SMARCAD1: variants seen among roughly 807,000 people sequenced by gnomAD.
The protein encoded by SMARCAD1 is SNF2 related chromatin remodeling ATPase with DExD box 1.
Under a neutral mutation model 127.1 loss-of-function variants are expected in SMARCAD1, and 25 were observed. The ratio of observed to expected loss-of-function variants is 0.20; its 90% CI spans 0.14 to 0.27. The LOEUF is 0.27. Among genes scored for constraint, SMARCAD1 ranks in the 10% least tolerant of loss-of-function variants. SMARCAD1 has a pLI of 1.00. For synonymous variants in SMARCAD1, 400 were observed against 396.9 expected, an observed-to-expected ratio of 1.01 and a Z score of -0.09; for missense variants, 807 against 1,206.0, an observed-to-expected ratio of 0.67 and a Z score of 4.90.
intron 3 of SMARCAD1, among the ~76,000 whole-genome samples, chr4:94,229,619 C>G (rs1169510684): frequency 6.6e-6 from 1 of 152,014 alleles, no homozygotes; most frequent in East Asian, 1.9e-4. Context: ...CCAAGTAGTT[C>G]TGGTTCTTTT....
chr4:94,256,594 C>T (rs1212231363), intron 9 of SMARCAD1, among the ~76,000 whole-genome samples: 2 of 152,168 alleles, frequency 1.3e-5, no homozygotes, highest in African/African-American at 4.8e-5. Flanking sequence ...AACTGCTGAC[C>T]TCAGGTGATC....
chr4:94,263,228 A>G (rs189333587), intron 9 of SMARCAD1, among the ~76,000 whole-genome samples: 106 of 152,268 alleles, frequency 7.0e-4, no homozygotes, highest in Non-Finnish European at 8.5e-4. Flanking sequence ...TCACATTTCA[A>G]TGTATTACAC....
intron 10 of SMARCAD1, among the ~76,000 whole-genome samples, chr4:94,267,198 C>T (rs1490132579): frequency 6.6e-6 from 1 of 152,116 alleles, no homozygotes; most frequent in Non-Finnish European, 1.5e-5. Context: ...AGCATGGTTC[C>T]TACCCTGTTC....
In SMARCAD1 at chr4:94,249,692, T is replaced by C. The variant is rs769183441; in HGVS notation, c.744T>C (p.Asn248=). 3 of 1,610,022 alleles carry C rather than the reference T, an allele frequency of 1.9e-6. No individual in the cohort carries two copies. Among genetic ancestry groups the C allele is most frequent in the Admixed American group, 3.3e-5 (2 of 59,968 alleles). ...ATGAGTCTGCAGAATCTAGCAGTAA[T>C]TGGGAAAAGCAGGAAAGTATTGTAC... is the stretch of plus-strand genomic sequence containing the variant. ...ESNESAESSS[N]WEKQESIVLK... is the part of the protein sequence containing the mutation. The change falls in exon 7 of 24, where the codon AAT becomes AAC. Residue 248 remains asparagine (N), a synonymous_variant. Transcript: ENST00000354268.
At chr4:94,213,186 G>A in intron 2 of SMARCAD1, 1 of 1,071,854 alleles carries the variant, frequency 9.3e-7, no homozygotes, top group Non-Finnish European at 1.2e-6. Context: ...AGTATGGTGT[G>A]ATAAAACCAT....
chr4:94,250,226 G>C (rs1290311683), intron 7 of SMARCAD1, among the ~76,000 whole-genome samples: 3 of 151,606 alleles, frequency 2.0e-5, no homozygotes. Context: ...GCATCCTGTT[G>C]CTAAAAGGCC....
chr4:94,218,449 C>T (rs762359751), intron 2 of SMARCAD1, among the ~76,000 whole-genome samples: 5 of 151,912 alleles, frequency 3.3e-5, no homozygotes, highest in East Asian at 1.9e-4. Flanking sequence ...TGCATCACGA[C>T]GCCCAGCTAA....
intron 2 of SMARCAD1, among the ~76,000 whole-genome samples, chr4:94,222,031 T>G (rs1203137876): frequency 2.0e-5 from 3 of 152,158 alleles, no homozygotes; most frequent in African/African-American, 7.2e-5. Flanking sequence ...TAAGTATATT[T>G]AATCAGGTCT....
intron 2 of SMARCAD1, among the ~76,000 whole-genome samples, chr4:94,217,458 T>C (rs1265279932): frequency 6.6e-6 from 1 of 152,188 alleles, no homozygotes; most frequent in Non-Finnish European, 1.5e-5. Context: ...TGTTGTTGTT[T>C]TCTCTTTGAC....
intron 6 of SMARCAD1, among the ~76,000 whole-genome samples, chr4:94,246,215 G>C (rs1472625867): frequency 2.6e-5 from 4 of 151,858 alleles, no homozygotes; most frequent in African/African-American, 9.7e-5. Flanking sequence ...CGCCTCCCGG[G>C]TTCAAGCAAT....
At chr4:94,254,017 A>AT (rs1377726800) in intron 9 of SMARCAD1, among the ~76,000 whole-genome samples, 1 of 152,226 alleles carries the variant, frequency 6.6e-6, no homozygotes, top group Non-Finnish European at 1.5e-5. Context: ...CTAAATGAGC[A>AT]TTAAATGCCC....
chr4:94,276,548 A>G, intron 15 of SMARCAD1, 74 bp downstream of exon 15: 1 of 1,529,956 alleles, frequency 6.5e-7, no homozygotes, highest in Non-Finnish European at 8.9e-7. Context: ...TGTAGTATTT[A>G]TTAGCAGAAT....
intron 14 of SMARCAD1, among the ~76,000 whole-genome samples, 166 bp from the exon 15 acceptor site, chr4:94,276,173 A>G (rs1436529609): frequency 3.3e-5 from 5 of 152,170 alleles, no homozygotes; most frequent in African/African-American, 1.2e-4. Context: ...TATTAAATAC[A>G]AGTACGTCAG....
intron 21 of SMARCAD1, among the ~76,000 whole-genome samples, chr4:94,281,971 C>T (rs1031451070): frequency 3.6e-4 from 54 of 151,384 alleles, no homozygotes; most frequent in African/African-American, 1.2e-3. Flanking sequence ...CCCCGGGGGG[C>T]GGAGGTTGCA....
chr4:94,284,326 CA>C (rs1161926658), intron 22 of SMARCAD1, among the ~76,000 whole-genome samples: 383 of 25,890 alleles, frequency 0.015, no homozygotes, highest in Middle Eastern at 0.071. Context: ...GACTCCGTCT[CA>C]AAAAAAAAAA....
At chr4:94,257,085 A>C (rs541180706) in intron 9 of SMARCAD1, among the ~76,000 whole-genome samples, 4 of 152,344 alleles carry the variant, frequency 2.6e-5, no homozygotes, top group South Asian at 4.1e-4. Context: ...GAAAGAAAAA[A>C]GTCCTTTGAG....
chr4:94,281,742 C>A, intron 21 of SMARCAD1, 152 bp downstream of exon 21: 1 of 658,362 alleles, frequency 1.5e-6, no homozygotes, highest in South Asian at 1.8e-5. Context: ...TTTCAATGGT[C>A]AGGCATGGTG....
intron 3 of SMARCAD1, among the ~76,000 whole-genome samples, chr4:94,230,800 A>G (rs1424661239): frequency 6.6e-6 from 1 of 152,168 alleles, no homozygotes. Flanking sequence ...GCAGAATCCT[A>G]GGTAGCTTCA....
At chr4:94,285,366 T>A (rs948919645) in intron 23 of SMARCAD1, among the ~76,000 whole-genome samples, 1 of 152,158 alleles carries the variant, frequency 6.6e-6, no homozygotes, top group African/African-American at 2.4e-5. Flanking sequence ...CCAATAGAGG[T>A]GACAAGTGTT....
Sources: allele counts gnomAD v4.1 joint callset (sites outside exome capture counted in the v4.1 genomes callset), GRCh38; gene constraint gnomAD v4.1.1; transcripts MANE v1.5; gene names NCBI Gene and HGNC (gene_info 2026-07-23, HGNC 2026-07-21).